ACER2: variants seen among roughly 807,000 people sequenced by gnomAD.
The protein encoded by ACER2 is alkCDase 2.
Under a neutral mutation model 34.7 loss-of-function variants are expected in ACER2, and 26 were observed. The observed-to-expected ratio is 0.75, with a 90% CI of 0.55 to 1.04. The LOEUF is 1.04. ACER2 is among the 50% of genes least tolerant of loss of function. ACER2 has a pLI of 0.00. For missense variants in ACER2, 352 were observed against 340.8 expected (o/e 1.03, Z -0.26); for synonymous variants, 138 against 132.1 (o/e 1.04, Z -0.31).
At chr9:19,435,157 T>C (rs1163098786) in intron 4 of ACER2, 73 bp downstream of exon 4, 155 of 1,553,114 alleles carry the variant, frequency 1.0e-4, no homozygotes, top group Non-Finnish European at 1.3e-4. Flanking sequence ...GCTTCTTTGC[T>C]GTCCTGTAGC....
At chr9:19,434,185 C>T (rs1830869333) in intron 3 of ACER2, among the ~76,000 whole-genome samples, 1 of 151,432 alleles carries the variant, frequency 6.6e-6, no homozygotes, top group East Asian at 1.9e-4. Context: ...GGCGGCCGGG[C>T]AGAGACGCTC....
At chr9:19,446,705 C>G in intron 5 of ACER2, 1 of 900,136 alleles carries the variant, frequency 1.1e-6, no homozygotes, top group Non-Finnish European at 1.3e-6. Context: ...AGCTTGAGAA[C>G]TGAACCTGTA....
intron 5 of ACER2, among the ~76,000 whole-genome samples, chr9:19,447,343 A>C (rs911048334): frequency 9.2e-5 from 14 of 152,222 alleles, no homozygotes; most frequent in African/African-American, 3.4e-4. Flanking sequence ...GATAGAATTC[A>C]CTTAAGTTCC....
intron 4 of ACER2, 191 bp from the exon 5 acceptor site, chr9:19,446,090 T>C: frequency 1.2e-6 from 1 of 865,334 alleles, no homozygotes; most frequent in Admixed American, 1.7e-5. Flanking sequence ...GGGAAGGGTG[T>C]CTGTGAGCCA....
chr9:19,426,322 T>TTTTC lies in ACER2; in HGVS notation c.365+1491_365+1494dup, dbSNP rs990289047. On this transcript the variant is annotated intron_variant, in intron 3 of 5. Transcript: ENST00000340967. ...TCTTTCTTTCTCTTTCTTTCTTTCT[T>TTTTC]TTTCTTTCTTTCTGTCTTTGTCTTT... 4.0e-3 allele frequency among the ~76,000 whole-genome samples: 596 copies of TTTTC among 148,454 alleles called. 6 individuals are homozygous for TTTTC. Among genetic ancestry groups the TTTTC allele is most frequent in the African/African-American group, 0.014 (558 of 39,586 alleles).
intron 3 of ACER2, among the ~76,000 whole-genome samples, chr9:19,426,266 C>T (rs1484750853): frequency 6.8e-6 from 1 of 147,348 alleles, no homozygotes; most frequent in African/African-American, 2.5e-5. Context: ...TAATCTCTTT[C>T]TTTCTTTCTC....
intron 3 of ACER2, among the ~76,000 whole-genome samples, chr9:19,426,234 A>ATTTTT: frequency 2.0e-5 from 3 of 149,978 alleles, no homozygotes; most frequent in African/African-American, 7.4e-5. Context: ...TTTTTAAAAA[A>ATTTTT]AAAAAAACAA....
Position 19,424,812 on chromosome 9 carries a change from G to T in ACER2, c.336G>T (p.Arg112Ser). Residue 112 changes from arginine to serine, a missense_variant, in exon 3 of 6, where the codon AGG becomes AGT. Coordinates refer to ENST00000340967, the MANE Select transcript of ACER2 (RefSeq NM_001010887.3). Reference protein sequence around the residue: ...MCALAMWFPRRYLPKIFRNDR... With the variant: ...MCALAMWFPRSYLPKIFRNDR... The stretch of plus-strand genomic sequence containing the variant: ...CTTTGGCCATGTGGTTCCCCAGAAG[G>T]TATCTACCAAAGATCTTTCGGAATG... 8 of 1,614,118 alleles carry T rather than the reference G, an allele frequency of 5.0e-6. No homozygotes were observed. The highest frequency in any genetic ancestry group is 6.8e-6 in the Non-Finnish European group (8 of 1,180,032).
chr9:19,437,457 C>A (rs982142072), intron 4 of ACER2, among the ~76,000 whole-genome samples: 1 of 152,174 alleles, frequency 6.6e-6, no homozygotes, highest in Non-Finnish European at 1.5e-5. Context: ...CTCCCATATC[C>A]ATTGCTCCAC....
intron 3 of ACER2, among the ~76,000 whole-genome samples, chr9:19,430,922 C>G (rs1225564213): frequency 2.6e-5 from 4 of 151,990 alleles, no homozygotes; most frequent in African/African-American, 9.7e-5. Context: ...CGCACCACTG[C>G]TCTCCAGCCT....
intron 3 of ACER2, among the ~76,000 whole-genome samples, chr9:19,428,871 C>T (rs1029044362): frequency 7.3e-6 from 1 of 136,294 alleles, no homozygotes; most frequent in Non-Finnish European, 1.5e-5. Flanking sequence ...CTGACTACAA[C>T]CTCTGCCTCC....
intron 4 of ACER2, among the ~76,000 whole-genome samples, chr9:19,443,549 A>C (rs1831229387): frequency 6.6e-6 from 1 of 152,252 alleles, no homozygotes; most frequent in Admixed American, 6.5e-5. Flanking sequence ...AATTTTATCC[A>C]TTAATTCAGG....
Position 19,435,053 on chromosome 9 carries a change from T to G in ACER2, c.472T>G (p.Cys158Gly). The G allele has an allele frequency of 6.2e-7, 1 of 1,614,180 alleles. No homozygotes were observed. Among genetic ancestry groups the G allele is most frequent in the Non-Finnish European group, 8.5e-7 (1 of 1,180,030 alleles). ...NISLMTLGVP[C>G]TALLIAELKR... ...CTCTCTGATGACCCTGGGAGTTCCTTGCACTGCACTGCTCATCGCAGAGCT... is the reference window on the plus strand; with the variant it reads ...CTCTCTGATGACCCTGGGAGTTCCTGGCACTGCACTGCTCATCGCAGAGCT... Residue 158 changes from cysteine to glycine, a missense_variant, in exon 4 of 6, where the codon TGC becomes GGC. Coordinates refer to ENST00000340967, the MANE Select transcript of ACER2 (RefSeq NM_001010887.3).
chr9:19,416,001 T>G (rs139380723), intron 1 of ACER2, among the ~76,000 whole-genome samples: 193 of 151,578 alleles, frequency 1.3e-3, no homozygotes, highest in Middle Eastern at 7.0e-3. Flanking sequence ...CATGTAAATG[T>G]GAAGAAAATG....
intron 1 of ACER2, chr9:19,409,661 G>A: frequency 1.2e-6 from 1 of 851,788 alleles, no homozygotes; most frequent in Non-Finnish European, 1.4e-6. Flanking sequence ...CCGCGGCTGG[G>A]GTCACTCCCA....
intron 5 of ACER2, among the ~76,000 whole-genome samples, chr9:19,447,350 T>A (rs1477649144): frequency 6.6e-6 from 1 of 152,176 alleles, no homozygotes; most frequent in Non-Finnish European, 1.5e-5. Flanking sequence ...TTCACTTAAG[T>A]TCCCTTGCTC....
At chr9:19,435,528 A>G (rs1392355956) in intron 4 of ACER2, among the ~76,000 whole-genome samples, 2 of 152,222 alleles carry the variant, frequency 1.3e-5, no homozygotes, top group Non-Finnish European at 2.9e-5. Context: ...TGTCTCATTT[A>G]CAATCTATTA....
Position 19,440,209 on chromosome 9 carries a change from C to A in ACER2, c.503+5125C>A, listed in dbSNP as rs551705674. ...TGCCATGGCTCCTGTGATAACACATCCTCCTGGCTTTCCCACTACCTCTCG... is the reference window on the plus strand; with the variant it reads ...TGCCATGGCTCCTGTGATAACACATACTCCTGGCTTTCCCACTACCTCTCG... On this transcript the variant is annotated intron_variant, in intron 4 of 5. Coordinates refer to ENST00000340967, the MANE Select transcript of ACER2 (RefSeq NM_001010887.3). 3.3e-5 allele frequency among the ~76,000 whole-genome samples: 5 copies of A among 152,306 alleles called. No individual in the cohort carries two copies. The East Asian group carries it at 9.7e-4, about 29-fold the overall frequency.
At chr9:19,419,297 C>G (rs574666749) in intron 1 of ACER2, among the ~76,000 whole-genome samples, 2 of 152,322 alleles carry the variant, frequency 1.3e-5, no homozygotes, top group African/African-American at 4.8e-5. Flanking sequence ...GACCACATTT[C>G]TTTTCTTTTT....
Sources: gnomAD v4.1 joint callset for allele counts (sites outside exome capture counted in the v4.1 genomes callset) on GRCh38, gnomAD v4.1.1 for gene constraint, MANE v1.5 for transcripts, NCBI Gene and HGNC (gene_info 2026-07-23, HGNC 2026-07-21) for gene names.